The following ATG10 variants were observed in gnomAD, a reference collection of about 807,000 sequenced individuals.
The protein encoded by ATG10 is autophagy related 10, also known as ubiquitin-like-conjugating enzyme ATG10.
A neutral mutation model predicts 32.1 loss-of-function variants in ATG10; 30 were observed. The observed-to-expected ratio is 0.94, with a 90% CI of 0.70 to 1.27. The LOEUF (loss-of-function observed/expected upper bound fraction) is 1.27. Ranked by LOEUF, ATG10 falls within the 50% of genes most tolerant of loss-of-function variation. The pLI, the probability that ATG10 is intolerant of heterozygous loss-of-function variation, is 0.00. For missense variants in ATG10, 233 were observed against 262.3 expected, an observed-to-expected ratio of 0.89 and a Z score of 0.77; for synonymous variants, 87 against 91.5, an observed-to-expected ratio of 0.95 and a Z score of 0.28.
chr5:82,002,398 C>T (rs376890833), intron 2 of ATG10, among the ~76,000 whole-genome samples: 1 of 152,128 alleles, frequency 6.6e-6, no homozygotes, highest in Admixed American at 6.5e-5. Flanking sequence ...CCTAAATGCC[C>T]ATCAACAGTA....
intron 3 of ATG10, among the ~76,000 whole-genome samples, chr5:82,085,107 CAT>C (rs1007005768): frequency 1.3e-5 from 2 of 152,138 alleles, no homozygotes; most frequent in South Asian, 2.1e-4. Flanking sequence ...CAGAGACACA[CAT>C]AGGCTCAAAA....
intron 5 of ATG10, among the ~76,000 whole-genome samples, chr5:82,250,289 C>T (rs1420325680): frequency 1.3e-5 from 2 of 152,092 alleles, no homozygotes; most frequent in African/African-American, 2.4e-5. Flanking sequence ...TTTTCCTTGT[C>T]GTTCTGATCT....
chr5:81,991,247 A>G (rs1426321040), intron 2 of ATG10, among the ~76,000 whole-genome samples: 1 of 152,146 alleles, frequency 6.6e-6, no homozygotes, highest in Non-Finnish European at 1.5e-5. Flanking sequence ...TAGCATCTCA[A>G]ATCTTTTTCT....
In ATG10 at chr5:82,121,941, G is replaced by GTTTTTTTTTTTTTTTTTTTT. The variant is rs77349086; in HGVS notation, c.217-42439_217-42438insTTTTTTTTTTTTTTTTTTTT. Among the ~76,000 whole-genome samples the GTTTTTTTTTTTTTTTTTTTT allele has an allele frequency of 8.3e-4, 101 of 120,976 alleles. 2 individuals are homozygous for GTTTTTTTTTTTTTTTTTTTT. Among genetic ancestry groups the GTTTTTTTTTTTTTTTTTTTT allele is most frequent in the African/African-American group, 9.2e-4 (28 of 30,474 alleles). The allele number at this position is 120,976 out of a possible 152,430, so 79.4% of individuals were successfully genotyped here. A position where few individuals can be genotyped will look rare whatever the true frequency, so the allele number is the denominator to read the frequency against. ...GATTTTGCATCAATATTGGCCTGAAGTTTTTTTTTTTTTTTTTTTATGTCT... is the reference window on the plus strand; with the variant it reads ...GATTTTGCATCAATATTGGCCTGAAGTTTTTTTTTTTTTTTTTTTTTTTTTTTTTTTTTTTTTTTATGTCT... On this transcript the variant is annotated intron_variant, in intron 3 of 7. Coordinates refer to ENST00000282185, the MANE Select transcript of ATG10 (RefSeq NM_031482.5).
intron 2 of ATG10, among the ~76,000 whole-genome samples, chr5:81,988,091 T>G (rs1344266022): frequency 6.6e-6 from 1 of 152,176 alleles, no homozygotes; most frequent in Non-Finnish European, 1.5e-5. Flanking sequence ...TCTGAAATAT[T>G]GAGGACTGTA....
At chr5:82,139,874 C>T (rs1159064020) in intron 3 of ATG10, among the ~76,000 whole-genome samples, 13 of 139,698 alleles carry the variant, frequency 9.3e-5, no homozygotes, top group East Asian at 2.3e-4. Context: ...CCAGCCGCCC[C>T]GTCCGGGAGG....
At chr5:82,138,170 G>T (rs144265682) in intron 3 of ATG10, among the ~76,000 whole-genome samples, 4 of 152,188 alleles carry the variant, frequency 2.6e-5, no homozygotes, top group African/African-American at 7.2e-5. Flanking sequence ...GCTCCCCAGG[G>T]GTGGGATCTG....
chr5:82,085,297 A>G (rs538665533), intron 3 of ATG10, among the ~76,000 whole-genome samples: 9 of 152,218 alleles, frequency 5.9e-5, no homozygotes, highest in African/African-American at 1.9e-4. Flanking sequence ...CTATATATAT[A>G]TGCACCCAAT....
intron 2 of ATG10, among the ~76,000 whole-genome samples, chr5:82,031,077 T>C (rs1762730489): frequency 6.6e-6 from 1 of 152,170 alleles, no homozygotes; most frequent in Non-Finnish European, 1.5e-5. Context: ...TATTTTATTT[T>C]TATTTTTTGA....
intron 3 of ATG10, among the ~76,000 whole-genome samples, chr5:82,145,783 T>G (rs577348777): frequency 1.1e-3 from 165 of 152,018 alleles, no homozygotes; most frequent in African/African-American, 3.8e-3. Flanking sequence ...CTCGGCTCAC[T>G]GCAACCTCTG....
chr5:82,057,966 G>C (rs369789983), intron 2 of ATG10, among the ~76,000 whole-genome samples: 1 of 152,260 alleles, frequency 6.6e-6, no homozygotes, highest in South Asian at 2.1e-4. Context: ...GCACTAAAAT[G>C]GAAATGACCG....
rs189812973 is a variant in ATG10, at chr5:82,144,538, A to G, written c.217-19861A>G. 5.2e-3 allele frequency among the ~76,000 whole-genome samples: 796 copies of G among 151,824 alleles called. 6 individuals carry two copies. The highest frequency in any genetic ancestry group is 0.014 in the Middle Eastern group (4 of 286). On this transcript the variant is annotated intron_variant, in intron 3 of 7. Transcript: ENST00000282185. ...TATTATAAAATTTTTAATATTTTAT[A>G]ATTCACTTTATGATTTTTAAATTTG...
intron 2 of ATG10, among the ~76,000 whole-genome samples, chr5:82,044,851 T>G (rs1238281576): frequency 6.6e-6 from 1 of 152,212 alleles, no homozygotes; most frequent in African/African-American, 2.4e-5. Context: ...TTTCTTCACG[T>G]CCATGTGCAG....
At chr5:82,146,214 C>T (rs1767352714) in intron 3 of ATG10, among the ~76,000 whole-genome samples, 1 of 151,804 alleles carries the variant, frequency 6.6e-6, no homozygotes, top group Non-Finnish European at 1.5e-5. Flanking sequence ...ATATTTTTAC[C>T]AGATATAGAA....
chr5:82,169,437 C>T (rs1002018928), intron 4 of ATG10, among the ~76,000 whole-genome samples: 8 of 150,684 alleles, frequency 5.3e-5, no homozygotes, highest in Non-Finnish European at 7.4e-5. Flanking sequence ...AACATATTTT[C>T]GGGGAAAGAT....
intron 2 of ATG10, among the ~76,000 whole-genome samples, chr5:82,034,103 C>A (rs1762837606): frequency 6.6e-6 from 1 of 151,202 alleles, no homozygotes; most frequent in Admixed American, 6.6e-5. Context: ...TCATGATAGG[C>A]ACTGGCATTT....
At chr5:82,198,936 TCA>T (rs1744963148) in intron 5 of ATG10, among the ~76,000 whole-genome samples, 1 of 152,236 alleles carries the variant, frequency 6.6e-6, no homozygotes. Flanking sequence ...CATTCAGCTT[TCA>T]CACTGATACA....
intron 3 of ATG10, chr5:82,073,661 C>T (rs1001462006): frequency 6.6e-6 from 1 of 152,114 alleles, no homozygotes; most frequent in Non-Finnish European, 1.5e-5. Context: ...TATTAAATAT[C>T]ATGAAGTAAA....
At chr5:82,009,567 T>G in intron 2 of ATG10, 4 of 1,531,012 alleles carry the variant, frequency 2.6e-6, no homozygotes, top group Non-Finnish European at 3.6e-6. Flanking sequence ...AGGAATGGTC[T>G]GGTGGTTAAG....
Sources: allele counts gnomAD v4.1 joint callset (sites outside exome capture counted in the v4.1 genomes callset), GRCh38; gene constraint gnomAD v4.1.1; transcripts MANE v1.5; gene names NCBI Gene and HGNC (gene_info 2026-07-23, HGNC 2026-07-21).